SMARCC1: variants seen among roughly 807,000 people sequenced by gnomAD.
SMARCC1 encodes the protein SWI/SNF complex subunit SMARCC1.
SMARCC1 carries 43 observed loss-of-function variants against 147.4 expected under a neutral mutation model. The observed-to-expected ratio is 0.29, with a 90% CI of 0.23 to 0.38. The LOEUF is 0.38. SMARCC1 is among the 10% of genes least tolerant of loss of function. The pLI is 1.00. For missense variants in SMARCC1, 1,119 were observed against 1,381.1 expected (o/e 0.81, Z 3.01); for synonymous variants, 495 against 484.4 (o/e 1.02, Z -0.29).
In SMARCC1 at chr3:47,626,505, A is replaced by G. The variant is rs555194678; in HGVS notation, c.2647-4164T>C. ...AAAGAAAGAAAAAAAAAGGAAAAAG[A>G]AAAAAGAGACGAGTAAATGGCAGAG... On this transcript the variant is annotated intron_variant, in intron 24 of 27. Transcript: ENST00000254480. 1.8e-3 allele frequency among the ~76,000 whole-genome samples: 271 copies of G among 151,958 alleles called. 2 individuals are homozygous for G. The highest frequency in any genetic ancestry group is 6.3e-3 in the African/African-American group (263 of 41,472).
chr3:47,604,152 G>A (rs1429980208), intron 26 of SMARCC1: 1 of 456,742 alleles, frequency 2.2e-6, no homozygotes, highest in Non-Finnish European at 4.4e-6. Context: ...GTCCGTAAGT[G>A]TTTAAGAGCC....
intron 7 of SMARCC1, among the ~76,000 whole-genome samples, chr3:47,717,674 C>T (rs974317389): frequency 6.6e-6 from 1 of 152,100 alleles, no homozygotes; most frequent in Non-Finnish European, 1.5e-5. Context: ...AGTAATCCTC[C>T]TGCCTCAGCC....
chr3:47,693,178 T>A, intron 12 of SMARCC1, 63 bp downstream of exon 12: 1 of 952,438 alleles, frequency 1.0e-6, no homozygotes, highest in Non-Finnish European at 1.7e-6. Flanking sequence ...GAATAGACTA[T>A]CAAAGGAGAT....
At chr3:47,760,608 G>A (rs1191669283) in intron 2 of SMARCC1, among the ~76,000 whole-genome samples, 3 of 152,180 alleles carry the variant, frequency 2.0e-5, no homozygotes, top group African/African-American at 7.2e-5. Flanking sequence ...AGACTGCAGT[G>A]AGCCAAGATT....
At chr3:47,633,775 TATATACACACAC>T (rs2032929025) in intron 24 of SMARCC1, among the ~76,000 whole-genome samples, 1 of 18,616 alleles carries the variant, frequency 5.4e-5, no homozygotes, top group African/African-American at 9.5e-5. Flanking sequence ...TATATATATA[TATATACACACAC>T]ACACACACAC....
chr3:47,767,604 T>C (rs1175270489), intron 2 of SMARCC1, among the ~76,000 whole-genome samples: 3 of 135,168 alleles, frequency 2.2e-5, no homozygotes, highest in Non-Finnish European at 4.7e-5. Flanking sequence ...GTGCGGTGGC[T>C]CACGCCTGTA....
intron 26 of SMARCC1, among the ~76,000 whole-genome samples, chr3:47,602,558 A>G (rs1576384224): frequency 6.6e-6 from 1 of 152,076 alleles, no homozygotes; most frequent in Non-Finnish European, 1.5e-5. Context: ...TTGGCCTCCC[A>G]AAGTGCTGGG....
Position 47,650,295 on chromosome 3 carries a change from AATAATT to A in SMARCC1, c.2320+10993_2320+10998del, listed in dbSNP as rs1289167607. Among the ~76,000 whole-genome samples the A allele has an allele frequency of 4.7e-3, 636 of 134,528 alleles. 2 individuals carry two copies. The highest frequency in any genetic ancestry group is 0.012 in the African/African-American group (455 of 38,816). 88.3% of individuals were successfully genotyped at this position (134,528 alleles called of 152,430 possible). On this transcript the variant is annotated intron_variant, in intron 21 of 27. Transcript: ENST00000254480. Reference sequence around the variant, plus strand: ...TGTTTAAAATAATAATAATAATAATAATAATTATTATTATTATTATTATTCAAGAAA... The same window carrying A: ...TGTTTAAAATAATAATAATAATAATAATTATTATTATTATTATTCAAGAAA...
intron 12 of SMARCC1, among the ~76,000 whole-genome samples, chr3:47,691,471 G>A (rs919003422): frequency 3.3e-5 from 5 of 151,848 alleles, no homozygotes; most frequent in Admixed American, 6.6e-5. Flanking sequence ...AAAATTAGCC[G>A]GGAGTGGTGG....
Position 47,730,814 on chromosome 3 carries a change from C to T in SMARCC1, c.577-1720G>A, listed in dbSNP as rs140720624. On this transcript the variant is annotated intron_variant, in intron 5 of 27. Transcript: ENST00000254480. ...CCCGGAGGCAGAGGCTGCAGTGAGCCGAGATTGCGCCATTGCACTCCAGCC... is the reference window on the plus strand; with the variant it reads ...CCCGGAGGCAGAGGCTGCAGTGAGCTGAGATTGCGCCATTGCACTCCAGCC... Among the ~76,000 whole-genome samples the T allele has an allele frequency of 2.1e-3, 312 of 150,774 alleles. 1 individual carries two copies. Among genetic ancestry groups the T allele is most frequent in the African/African-American group, 7.2e-3 (294 of 40,958 alleles).
At position 47,610,255 on chromosome 3, in the gene SMARCC1, A is replaced by G; in HGVS notation, c.2854T>C (p.Leu952=). The change falls in exon 26 of 28, where the codon TTA becomes CTA. Residue 952 remains leucine, a synonymous_variant. Transcript: ENST00000254480. ...TGTTCCATTTGCTGTCGTGCTCGTA[A>G]TTCAGCATACTTCAGCTGTTCCATG... The part of the protein sequence containing the change: ...FHMEQLKYAE[L]RARQQMEQQQ... 1.9e-6 allele frequency: 3 copies of G among 1,614,204 alleles called. No individual in the cohort carries two copies. Among genetic ancestry groups the G allele is most frequent in the Non-Finnish European group, 2.5e-6 (3 of 1,180,038 alleles).
intron 7 of SMARCC1, among the ~76,000 whole-genome samples, chr3:47,716,567 C>G (rs2106804851): frequency 6.6e-6 from 1 of 152,156 alleles, no homozygotes; most frequent in Middle Eastern, 3.4e-3. Context: ...AGCCAGCTGC[C>G]ACATCTTATT....
chr3:47,684,722 C>T (rs2033700095), intron 14 of SMARCC1, among the ~76,000 whole-genome samples: 1 of 152,088 alleles, frequency 6.6e-6, no homozygotes, highest in Non-Finnish European at 1.5e-5. Flanking sequence ...GGATTACAGG[C>T]ATAAGCCACC....
intron 2 of SMARCC1, among the ~76,000 whole-genome samples, chr3:47,749,670 A>AACACACACACACACACACACACACACAC (rs1328820771): frequency 0.016 from 1,489 of 92,438 alleles, 38 homozygotes; most frequent in Admixed American, 0.02. Flanking sequence ...CTCTAAATTA[A>AACACACACACACACACACACACACACAC]ACACACACAC....
At chr3:47,717,183 T>C (rs911364733) in intron 7 of SMARCC1, among the ~76,000 whole-genome samples, 3 of 152,248 alleles carry the variant, frequency 2.0e-5, no homozygotes, top group African/African-American at 7.2e-5. Context: ...TGATGTTTTA[T>C]GTTTACTGAT....
intron 1 of SMARCC1, among the ~76,000 whole-genome samples, chr3:47,773,912 G>A (rs1376648188): frequency 2.0e-5 from 3 of 152,098 alleles, no homozygotes; most frequent in African/African-American, 7.2e-5. Flanking sequence ...GATTACAGGC[G>A]TGAGCCACCA....
intron 19 of SMARCC1, among the ~76,000 whole-genome samples, chr3:47,666,074 T>C (rs1197416431): frequency 1.3e-5 from 2 of 152,338 alleles, no homozygotes; most frequent in African/African-American, 4.8e-5. Flanking sequence ...CATTATCTTA[T>C]GAAATTAAGC....
chr3:47,671,614 C>G (rs1046930620), intron 18 of SMARCC1, among the ~76,000 whole-genome samples: 1 of 152,204 alleles, frequency 6.6e-6, no homozygotes, highest in Admixed American at 6.5e-5. Flanking sequence ...AGAAGTGAGA[C>G]TGGCTTGTGT....
chr3:47,729,175 A>C, intron 5 of SMARCC1, 81 bp from the exon 6 acceptor site: 1 of 839,758 alleles, frequency 1.2e-6, no homozygotes, highest in Non-Finnish European at 1.9e-6. Flanking sequence ...ATTCCATACA[A>C]ATTCTAAAAG....
Sources: allele counts gnomAD v4.1 joint callset (sites outside exome capture counted in the v4.1 genomes callset), GRCh38; gene constraint gnomAD v4.1.1; transcripts MANE v1.5; gene names NCBI Gene and HGNC (gene_info 2026-07-23, HGNC 2026-07-21).